SERINC2: variants seen among roughly 807,000 people sequenced by gnomAD.
SERINC2 encodes tumor differentially expressed protein 2.
A neutral mutation model predicts 54.2 loss-of-function variants in SERINC2; 56 were observed. The observed-to-expected ratio is 1.03, with a 90% CI of 0.83 to 1.29. The LOEUF (loss-of-function observed/expected upper bound fraction) is 1.29, where lower values mean the gene tolerates loss of function less well. Among genes scored for constraint, SERINC2 ranks in the 50% most tolerant of loss-of-function variants. The pLI is 0.00. For synonymous variants in SERINC2, 272 were observed against 253.1 expected (o/e 1.07, Z -0.71); for missense variants, 614 against 607.4 (o/e 1.01, Z -0.12).
intron 8 of SERINC2, 69 bp from the exon 9 acceptor site, chr1:31,432,898 C>A: frequency 1.6e-6 from 2 of 1,278,758 alleles, no homozygotes; most frequent in Non-Finnish European, 2.2e-6. Context: ...GGCTCTGGGA[C>A]CATTTGTGTC....
upstream of SERINC2, among the ~76,000 whole-genome samples, chr1:31,412,369 C>A (rs1557485765): frequency 6.6e-6 from 1 of 152,104 alleles, no homozygotes; most frequent in Non-Finnish European, 1.5e-5. Flanking sequence ...CCAGTTTGGG[C>A]ATCCCTAGGG....
In SERINC2 at chr1:31,432,176, GGGTGGAT is replaced by G. The variant is rs1557501670; in HGVS notation, c.1014-790_1014-784del. ...GTGGACAGGGTGGATAGGGTGGATA[GGGTGGAT>G]AGGGTGGTTAGAGTGGAGAGAGTGG... On this transcript the variant is annotated intron_variant, in intron 8 of 9. Coordinates refer to ENST00000373709, the MANE Select transcript of SERINC2 (RefSeq NM_178865.5). Among the ~76,000 whole-genome samples the G allele has an allele frequency of 7.3e-5, 11 of 149,988 alleles. 1 individual carries two copies. The highest frequency in any genetic ancestry group is 2.5e-4 in the African/African-American group (10 of 40,234).
At chr1:31,419,303 T>C (rs1448489036) in intron 1 of SERINC2, among the ~76,000 whole-genome samples, 1 of 152,238 alleles carries the variant, frequency 6.6e-6, no homozygotes, top group East Asian at 1.9e-4. Flanking sequence ...TTTAGGTTTT[T>C]TGTAGTTTCT....
In SERINC2 at chr1:31,432,092, A is replaced by T. The variant is rs565603205; in HGVS notation, c.1014-875A>T. On this transcript the variant is annotated intron_variant, in intron 8 of 9. Transcript: ENST00000373709. ...AGGGTGGACAGGGTGGTTAGGGTGG[A>T]CAGGGTGGACAGGGTGGATAGGGTG... Among the ~76,000 whole-genome samples the T allele has an allele frequency of 2.9e-3, 317 of 109,970 alleles. 1 individual carries two copies. Among genetic ancestry groups the T allele is most frequent in the Non-Finnish European group, 3.0e-3 (169 of 55,582 alleles). 72.1% of individuals were successfully genotyped at this position (109,970 alleles called of 152,430 possible).
At chr1:31,411,564 G>A (rs569563161), upstream of SERINC2, among the ~76,000 whole-genome samples, 1 of 152,218 alleles carries the variant, frequency 6.6e-6, no homozygotes, top group African/African-American at 2.4e-5. Context: ...TTGGAGGCTT[G>A]GGGGAATCAG....
chr1:31,411,947 G>A (rs893461196), upstream of SERINC2, among the ~76,000 whole-genome samples: 16 of 140,700 alleles, frequency 1.1e-4, no homozygotes, highest in Non-Finnish European at 2.0e-4. Flanking sequence ...GCTGCAGTGA[G>A]CCATGATTGG....
chr1:31,426,144 G>C, intron 5 of SERINC2: 1 of 519,546 alleles, frequency 1.9e-6, no homozygotes, highest in Non-Finnish European at 3.4e-6. Context: ...GAGGGGTCTT[G>C]TTTGGGGGTT....
Position 31,434,475 on chromosome 1 carries a change from G to A in SERINC2, c.*276G>A, listed in dbSNP as rs898591415. ...CCCTGTTGCCCATACTCAGCATCTC[G>A]GATGAAAGGGCTCCCTTGTCCTCAG... On this transcript the variant is annotated 3_prime_UTR_variant, in exon 10 of 10. Coordinates refer to ENST00000373709, the MANE Select transcript of SERINC2 (RefSeq NM_178865.5). The A allele has an allele frequency of 1.0e-4, 47 of 469,422 alleles. No individual in the cohort carries two copies. The highest frequency in any genetic ancestry group is 7.2e-4 in the African/African-American group (37 of 51,228). The allele number at this position is 469,422 out of a possible 1,614,324, so 29.1% of individuals were successfully genotyped here.
chr1:31,431,832 TAG>T (rs1641231307), intron 8 of SERINC2, among the ~76,000 whole-genome samples: 1 of 28,046 alleles, frequency 3.6e-5, no homozygotes, highest in African/African-American at 7.5e-5. Flanking sequence ...ATAGGGTGGA[TAG>T]GGTGGATAGG....
At chr1:31,425,749 T>C in intron 4 of SERINC2, 27 bp from the exon 5 acceptor site, 1 of 1,608,638 alleles carries the variant, frequency 6.2e-7, no homozygotes, top group Non-Finnish European at 8.5e-7. Context: ...GGGACCCTCC[T>C]CGCCTCACTC....
At chr1:31,424,963 C>T (rs1262684418) in intron 3 of SERINC2, 90 bp downstream of exon 3, 1 of 1,099,614 alleles carries the variant, frequency 9.1e-7, no homozygotes, top group African/African-American at 1.6e-5. Flanking sequence ...AGACCCTACC[C>T]ACCACTCAGG....
chr1:31,413,850 C>G lies in SERINC2; in HGVS notation c.39+546C>G, dbSNP rs1640707100. On this transcript the variant is annotated intron_variant, in intron 1 of 9. Transcript: ENST00000373709. This position sits in a 1 kb window ranked among gnomAD's most constrained non-coding sequence, Gnocchi z 5.0. ...TTCCTGTCTGTGTCCGTCGTTCGTCCGACTGTCTTTGTCCGTCTGCTGTCT... is the reference window on the plus strand; with the variant it reads ...TTCCTGTCTGTGTCCGTCGTTCGTCGGACTGTCTTTGTCCGTCTGCTGTCT... The G allele has an allele frequency of 7.1e-7, 1 of 1,413,256 alleles. No homozygotes were observed. The highest frequency in any genetic ancestry group is 9.2e-7 in the Non-Finnish European group (1 of 1,089,616). 87.5% of individuals were successfully genotyped at this position (1,413,256 alleles called of 1,614,324 possible). A position where few individuals can be genotyped will look rare whatever the true frequency, so the allele number is the denominator to read the frequency against.
Position 31,423,819 on chromosome 1 carries a change from A to G in SERINC2, c.166A>G (p.Met56Val). Residue 56 changes from methionine to valine, a missense_variant, in exon 2 of 10, where the codon ATG becomes GTG. Met to Val is a conservative substitution (Grantham distance 21). Transcript: ENST00000373709. ...CCTGGGGGTGCTGGTGTCCATCATT[A>G]TGCTGAGCCCGGGCGTGGAGAGTCA... ...LFLGVLVSII[M>V]LSPGVESQLY... 1 of 1,613,990 alleles carries G rather than the reference A, an allele frequency of 6.2e-7. No homozygotes were observed.
At chr1:31,415,785 C>A in intron 1 of SERINC2, 1 of 870,438 alleles carries the variant, frequency 1.1e-6, no homozygotes, top group Non-Finnish European at 1.4e-6. Context: ...TGGGCAACTT[C>A]AGGAGGGATT....
At chr1:31,423,088 T>C (rs1354302451) in intron 1 of SERINC2, among the ~76,000 whole-genome samples, 1 of 152,242 alleles carries the variant, frequency 6.6e-6, no homozygotes, top group Non-Finnish European at 1.5e-5. Flanking sequence ...TGACAGACAC[T>C]GTTCGAATTT....
At chr1:31,412,495 A>G (rs1640667946), upstream of SERINC2, among the ~76,000 whole-genome samples, 5 of 152,144 alleles carry the variant, frequency 3.3e-5, no homozygotes, top group South Asian at 8.3e-4. Flanking sequence ...GTTTAGAGTG[A>G]GAGGCTGGGG....
Position 31,424,740 on chromosome 1 carries a change from G to A in SERINC2, c.259G>A (p.Asp87Asn), listed in dbSNP as rs112561697. 8,167 of 1,610,488 alleles carry A rather than the reference G, an allele frequency of 5.1e-3. 72 individuals are homozygous for A. The highest frequency in any genetic ancestry group is 0.032 in the African/African-American group (2,429 of 75,012). ...GIPTVLQGHI[D>N]CGSLLGYRAV... ...CCCCACCGTCCTGCAGGGCCACATC[G>A]ACTGTGGCTCCCTGCTTGGCTACCG... Residue 87 changes from aspartate (D) to asparagine (N), a missense_variant, in exon 3 of 10, where the codon GAC becomes AAC. Coordinates refer to ENST00000373709, the MANE Select transcript of SERINC2 (RefSeq NM_178865.5).
At chr1:31,430,378 C>T (rs1003335852) in intron 8 of SERINC2, among the ~76,000 whole-genome samples, 7 of 151,438 alleles carry the variant, frequency 4.6e-5, no homozygotes, top group Non-Finnish European at 7.4e-5. Flanking sequence ...AAAACAAAAA[C>T]ACTTAGAAAG....
In SERINC2 at chr1:31,429,477, T is replaced by TG; in HGVS notation, c.954dup (p.Trp319ValfsTer55). 1 of 1,613,776 alleles carries TG rather than the reference T, an allele frequency of 6.2e-7. No individual in the cohort carries two copies. Among genetic ancestry groups the TG allele is most frequent in the Non-Finnish European group, 8.5e-7 (1 of 1,179,882 alleles). ...AGGCCCCGAGGGCTATGAGACCCAG[T>TG]GGTGGGATGCCCCGAGCATTGTGGG... is the stretch of plus-strand genomic sequence containing the variant. On this transcript the variant is annotated frameshift_variant, in exon 8 of 10. Transcript: ENST00000373709. LOFTEE classifies it high-confidence loss of function.
Sources: allele counts gnomAD v4.1 joint callset (sites outside exome capture counted in the v4.1 genomes callset), GRCh38; gene constraint gnomAD v4.1.1; non-coding constraint Gnocchi (gnomAD v3.1); transcripts MANE v1.5; gene names NCBI Gene and HGNC (gene_info 2026-07-23, HGNC 2026-07-21).